Variants in SULF1 observed in about 807,000 individuals in gnomAD.
SULF1 encodes sulfatase 1.
SULF1 carries 46 observed loss-of-function variants against 110.5 expected under a neutral mutation model. That is an observed-to-expected ratio of 0.42 (90% CI 0.33 to 0.53). The LOEUF (loss-of-function observed/expected upper bound fraction) is 0.53. Among genes scored for constraint, SULF1 ranks in the 20% least tolerant of loss-of-function variants. SULF1 has a pLI of 0.12. For synonymous variants in SULF1, 371 were observed against 387.1 expected (o/e 0.96, Z 0.49); for missense variants, 941 against 1,094.2 (o/e 0.86, Z 1.98).
chr8:69,554,522 A>G lies in SULF1; in HGVS notation c.-133-9017A>G, dbSNP rs972485504. On this transcript the variant is annotated intron_variant, in intron 3 of 22. Coordinates refer to ENST00000402687, the MANE Select transcript of SULF1 (RefSeq NM_001128205.2). The stretch of plus-strand genomic sequence containing the variant: ...TTTTTATTAGCTAAAGTATTTCCCA[A>G]CTTCTGTCCAGCCAGTAAACTAACA... Among the ~76,000 whole-genome samples the G allele has an allele frequency of 4.6e-5, 7 of 152,248 alleles. No individual in the cohort carries two copies. The East Asian group carries it at 1.4e-3, about 29-fold the overall frequency.
intron 19 of SULF1, among the ~76,000 whole-genome samples, chr8:69,637,368 A>C (rs553396987): frequency 4.5e-4 from 69 of 152,306 alleles, no homozygotes; most frequent in African/African-American, 1.5e-3. Flanking sequence ...TCCTGGGCCA[A>C]ATGCTTTGTT....
chr8:69,589,056 A>G lies in SULF1; in HGVS notation c.649A>G (p.Met217Val). The G allele has an allele frequency of 1.9e-6, 3 of 1,614,212 alleles. No homozygotes were observed. Among genetic ancestry groups the G allele is most frequent in the Non-Finnish European group, 2.5e-6 (3 of 1,180,018 alleles). Reference sequence around the variant, plus strand: ...AATGTATCCCCATAGGCCCGTTATGATGGTGATCAGCCACGCTGCGCCCCA... The same window carrying G: ...AATGTATCCCCATAGGCCCGTTATGGTGGTGATCAGCCACGCTGCGCCCCA... Reference protein sequence around the residue: ...KRMYPHRPVMMVISHAAPHGP... With the variant: ...KRMYPHRPVMVVISHAAPHGP... The change falls in exon 8 of 23, where the codon ATG becomes GTG. Residue 217 changes from methionine (M) to valine (V), a missense_variant. Met to Val is a conservative substitution (Grantham distance 21). Coordinates refer to ENST00000402687, the MANE Select transcript of SULF1 (RefSeq NM_001128205.2).
chr8:69,658,637 T>G lies in SULF1; in HGVS notation c.*102T>G. The G allele has an allele frequency of 2.1e-6, 2 of 934,458 alleles. No individual in the cohort carries two copies. Among genetic ancestry groups the G allele is most frequent in the African/African-American group, 1.6e-5 (1 of 62,200 alleles). The allele number at this position is 934,458 out of a possible 1,614,324, so 57.9% of individuals were successfully genotyped here. A position where few individuals can be genotyped will look rare whatever the true frequency, so the allele number is the denominator to read the frequency against. On this transcript the variant is annotated 3_prime_UTR_variant, in exon 23 of 23. Transcript: ENST00000402687. ...TACAGACAAAACTACAGACTTAGTC[T>G]GGTGGACTGGACTAATTACTTGAAG... is the stretch of plus-strand genomic sequence containing the variant.
chr8:69,579,199 G>A (rs374062088), intron 6 of SULF1, among the ~76,000 whole-genome samples: 6 of 149,836 alleles, frequency 4.0e-5, no homozygotes, highest in East Asian at 3.9e-4. Context: ...AAACCAGTAG[G>A]AAAAGGATAA....
chr8:69,630,974 C>G (rs1007706924), intron 19 of SULF1, among the ~76,000 whole-genome samples: 37 of 151,736 alleles, frequency 2.4e-4, no homozygotes, highest in Non-Finnish European at 3.8e-4. Context: ...CCCCCTGCCC[C>G]CACCCTGCAA....
At chr8:69,480,769 T>C (rs546033115) in intron 1 of SULF1, among the ~76,000 whole-genome samples, 185 of 152,084 alleles carry the variant, frequency 1.2e-3, no homozygotes, top group African/African-American at 4.1e-3. Context: ...ATCCTAAGTA[T>C]GATTCTGACT....
At chr8:69,596,344 A>G (rs541506533) in intron 8 of SULF1, among the ~76,000 whole-genome samples, 2 of 152,246 alleles carry the variant, frequency 1.3e-5, no homozygotes, top group Admixed American at 6.5e-5. Flanking sequence ...AGCAACAGAA[A>G]TTTGCAAATG....
At position 69,603,338 on chromosome 8, in the gene SULF1, C is replaced by G. The variant is rs765251164; in HGVS notation, c.1190+18C>G. On this transcript the variant is annotated intron_variant, in intron 11 of 22. Transcript: ENST00000402687. ...GGTAACAGGTGTGTCATTGTTCCTCCTCTCAGCCAGCCCCAAATACACTGA... is the reference window on the plus strand; with the variant it reads ...GGTAACAGGTGTGTCATTGTTCCTCGTCTCAGCCAGCCCCAAATACACTGA... 2 of 1,613,870 alleles carry G rather than the reference C, an allele frequency of 1.2e-6. No homozygotes were observed. The highest frequency in any genetic ancestry group is 2.7e-5 in the African/African-American group (2 of 75,030).
chr8:69,655,997 TCA>T (rs1812699225), intron 22 of SULF1, among the ~76,000 whole-genome samples: 1 of 152,204 alleles, frequency 6.6e-6, no homozygotes. Flanking sequence ...GACAAACGAG[TCA>T]CAGCCTCTGG....
intron 13 of SULF1, among the ~76,000 whole-genome samples, chr8:69,611,759 ATATGG>A (rs1808675748): frequency 6.6e-6 from 1 of 152,262 alleles, no homozygotes; most frequent in South Asian, 2.1e-4. Context: ...GTCATAAGAC[ATATGG>A]TAACCAAGAA....
At chr8:69,622,015 T>A (rs1256634149) in intron 14 of SULF1, among the ~76,000 whole-genome samples, 1 of 152,216 alleles carries the variant, frequency 6.6e-6, no homozygotes, top group Non-Finnish European at 1.5e-5. Context: ...GGAAATCAAA[T>A]CATACACTAG....
At chr8:69,556,642 A>C (rs995420660) in intron 3 of SULF1, among the ~76,000 whole-genome samples, 8 of 152,252 alleles carry the variant, frequency 5.3e-5, no homozygotes, top group African/African-American at 1.9e-4. Flanking sequence ...GGCAAATTTA[A>C]TGAAATTTAA....
chr8:69,660,281 G>T lies in SULF1; in HGVS notation c.*1746G>T, dbSNP rs1432222102. 1 of 152,060 alleles carries T rather than the reference G, an allele frequency of 6.6e-6. No individual in the cohort carries two copies. The highest frequency in any genetic ancestry group is 1.5e-5 in the Non-Finnish European group (1 of 68,018). The allele number at this position is 152,060 out of a possible 1,614,324, so 9.4% of individuals were successfully genotyped here. ...GAACTTCTCAATAAAAGAAAATCATGAATGCTCCACAATTTCAACATACCA... is the reference window on the plus strand; with the variant it reads ...GAACTTCTCAATAAAAGAAAATCATTAATGCTCCACAATTTCAACATACCA... On this transcript the variant is annotated 3_prime_UTR_variant, in exon 23 of 23. Transcript: ENST00000402687.
intron 3 of SULF1, among the ~76,000 whole-genome samples, chr8:69,561,917 G>C (rs1586407395): frequency 6.6e-6 from 1 of 152,222 alleles, no homozygotes; most frequent in East Asian, 1.9e-4. Flanking sequence ...AAACCAAACA[G>C]TCAGTGCAGA....
At chr8:69,538,011 C>A (rs10109242) in intron 3 of SULF1, among the ~76,000 whole-genome samples, 85,541 of 148,356 alleles carry the variant, frequency 0.58, 25,198 homozygotes, top group Middle Eastern at 0.74. Context: ...CCCAGGCTGT[C>A]GTGCAGTGGC....
At position 69,621,165 on chromosome 8, in the gene SULF1, A is replaced by G. The variant is rs1468506308; in HGVS notation, c.1508A>G (p.Glu503Gly). The G allele has an allele frequency of 3.1e-6, 5 of 1,614,076 alleles. No individual in the cohort carries two copies. The highest frequency in any genetic ancestry group is 4.2e-6 in the Non-Finnish European group (5 of 1,180,038). Residue 503 changes from glutamate to glycine, a missense_variant, in exon 14 of 23, where the codon GAG becomes GGG. Transcript: ENST00000402687. ...YARGFHDKDK[E>G]CSCRESGYRA... ...CGCGGCTTCCATGACAAAGACAAAG[A>G]GTGCAGTTGTAGGGAGTCTGGTTAC...
At chr8:69,583,970 A>C (rs941511898) in intron 6 of SULF1, among the ~76,000 whole-genome samples, 1 of 152,210 alleles carries the variant, frequency 6.6e-6, no homozygotes, top group African/African-American at 2.4e-5. Flanking sequence ...CAGAGAGCAA[A>C]TAGAGGAAAC....
At chr8:69,558,112 C>G (rs538698801) in intron 3 of SULF1, among the ~76,000 whole-genome samples, 2 of 152,218 alleles carry the variant, frequency 1.3e-5, no homozygotes, top group Non-Finnish European at 2.9e-5. Flanking sequence ...GATAGCACAT[C>G]CTGAAGCCTT....
chr8:69,622,798 T>G (rs933004673), intron 14 of SULF1, among the ~76,000 whole-genome samples: 2 of 152,086 alleles, frequency 1.3e-5, no homozygotes, highest in Non-Finnish European at 2.9e-5. Flanking sequence ...TGGAATCTTG[T>G]GTATTTGAGA....
Sources: gnomAD v4.1 joint callset for allele counts (sites outside exome capture counted in the v4.1 genomes callset) on GRCh38, gnomAD v4.1.1 for gene constraint, MANE v1.5 for transcripts, NCBI Gene and HGNC (gene_info 2026-07-23, HGNC 2026-07-21) for gene names.